ENOX1: variants seen among roughly 807,000 people sequenced by gnomAD.
ENOX1 encodes the protein candidate growth-related and time keeping constitutive hydroquinone (NADH) oxidase.
Under a neutral mutation model 82.5 loss-of-function variants are expected in ENOX1, and 42 were observed. The observed-to-expected ratio is 0.51, with a 90% CI of 0.40 to 0.66. The LOEUF (loss-of-function observed/expected upper bound fraction) is 0.66. Ranked by LOEUF, ENOX1 falls within the 30% of genes least tolerant of loss-of-function variation. The pLI, the probability that ENOX1 is intolerant of heterozygous loss-of-function variation, is 0.00. For synonymous variants in ENOX1, 271 were observed against 282.2 expected (o/e 0.96, Z 0.40); for missense variants, 608 against 811.6 (o/e 0.75, Z 3.05).
chr13:43,547,606 G>A (rs1390202719), intron 2 of ENOX1: 1 of 152,178 alleles, frequency 6.6e-6, no homozygotes. Flanking sequence ...TTTTATTGTT[G>A]TAGGTCTAAA....
chr13:43,609,885 C>A (rs1265934324), intron 2 of ENOX1: 2 of 977,934 alleles, frequency 2.0e-6, no homozygotes, highest in Non-Finnish European at 2.4e-6. Context: ...GGACTTACTT[C>A]ATTCATGTAA....
intron 3 of ENOX1, among the ~76,000 whole-genome samples, chr13:43,454,259 A>ATT (rs575583341): frequency 7.0e-6 from 1 of 142,620 alleles, no homozygotes; most frequent in South Asian, 2.2e-4. Context: ...AGGGGAAACT[A>ATT]TTTTTTTTTT....
chr13:43,726,298 C>T (rs2088952050), intron 1 of ENOX1, among the ~76,000 whole-genome samples: 1 of 150,124 alleles, frequency 6.7e-6, no homozygotes, highest in Non-Finnish European at 1.5e-5. Context: ...CTCACTGCAA[C>T]CTCCGCCTCC....
intron 3 of ENOX1, among the ~76,000 whole-genome samples, chr13:43,480,526 G>A (rs2153655312): frequency 6.6e-6 from 1 of 152,304 alleles, no homozygotes; most frequent in South Asian, 2.1e-4. Context: ...CTGAGACTAG[G>A]ATGATACAGG....
At chr13:43,230,018 A>C (rs1244881771) in intron 15 of ENOX1, among the ~76,000 whole-genome samples, 2 of 152,212 alleles carry the variant, frequency 1.3e-5, no homozygotes, top group Non-Finnish European at 2.9e-5. Flanking sequence ...ATTTGAAGCC[A>C]AAGTATTCAT....
At chr13:43,561,763 G>A (rs1043707430) in intron 2 of ENOX1, among the ~76,000 whole-genome samples, 1 of 152,008 alleles carries the variant, frequency 6.6e-6, no homozygotes, top group Non-Finnish European at 1.5e-5. Context: ...GCTGAGGCGT[G>A]TGAGCCCAGG....
intron 3 of ENOX1, among the ~76,000 whole-genome samples, chr13:43,445,537 C>T (rs1367973940): frequency 6.6e-6 from 1 of 152,074 alleles, no homozygotes; most frequent in Non-Finnish European, 1.5e-5. Flanking sequence ...TGAGGAATGG[C>T]GCTCAGGTCT....
chr13:43,724,295 A>G (rs976980708), intron 1 of ENOX1, among the ~76,000 whole-genome samples: 2 of 152,184 alleles, frequency 1.3e-5, no homozygotes, highest in African/African-American at 4.8e-5. Flanking sequence ...TGGCATATCT[A>G]TCCTCCCTAG....
At chr13:43,654,300 T>C (rs1478930686) in intron 2 of ENOX1, among the ~76,000 whole-genome samples, 1 of 152,188 alleles carries the variant, frequency 6.6e-6, no homozygotes, top group African/African-American at 2.4e-5. Context: ...ACGTATTTCA[T>C]ACTCAAGGCT....
intron 8 of ENOX1, among the ~76,000 whole-genome samples, chr13:43,346,998 G>A (rs2049427825): frequency 6.6e-6 from 1 of 151,852 alleles, no homozygotes; most frequent in African/African-American, 2.4e-5. Context: ...TAACATTTTT[G>A]TTATGAGCTT....
rs112295874 is a variant in ENOX1, at chr13:43,450,520, A to G, written c.-75+33489T>C. ...CACCAGGGTCAGTAGGAGGCAGAGG[A>G]AATACGGGGAAAATGTGGGGAAGGG... On this transcript the variant is annotated intron_variant, in intron 3 of 16. Transcript: ENST00000690772. Among the ~76,000 whole-genome samples the G allele has an allele frequency of 5.5e-3, 838 of 152,240 alleles. 4 individuals carry two copies. The highest frequency in any genetic ancestry group is 0.019 in the African/African-American group (798 of 41,546).
intron 11 of ENOX1, among the ~76,000 whole-genome samples, chr13:43,318,096 T>TCTG (rs937244560): frequency 2.0e-5 from 3 of 152,194 alleles, no homozygotes; most frequent in Non-Finnish European, 4.4e-5. Flanking sequence ...ATTTAGAGTG[T>TCTG]CTGCTCCTAT....
chr13:43,668,703 G>C (rs114627716), intron 1 of ENOX1, among the ~76,000 whole-genome samples: 3,212 of 152,236 alleles, frequency 0.021, 112 homozygotes, highest in African/African-American at 0.071. Flanking sequence ...GATCTAATAG[G>C]GAAAGGTCAG....
Position 43,344,751 on chromosome 13 carries a change from C to G in ENOX1, c.824-1G>C. ...ATAGCCTCTGAAAACTTGCTATCAT[C>G]TGGAAATGGAAAACCACCAAGTACA... On this transcript the variant is annotated splice_acceptor_variant, in intron 8 of 16. Coordinates refer to ENST00000690772, the MANE Select transcript of ENOX1 (RefSeq NM_001347969.2). LOFTEE classifies it high-confidence loss of function. 1 of 1,613,490 alleles carries G rather than the reference C, an allele frequency of 6.2e-7. No individual in the cohort carries two copies. The highest frequency in any genetic ancestry group is 8.5e-7 in the Non-Finnish European group (1 of 1,179,630).
At chr13:43,449,854 C>A (rs180995553) in intron 3 of ENOX1, among the ~76,000 whole-genome samples, 1 of 152,176 alleles carries the variant, frequency 6.6e-6, no homozygotes, top group African/African-American at 2.4e-5. Flanking sequence ...AACACACTAG[C>A]TGCTCCCTGG....
At chr13:43,521,598 C>T (rs115243539) in intron 2 of ENOX1, among the ~76,000 whole-genome samples, 3 of 152,188 alleles carry the variant, frequency 2.0e-5, no homozygotes, top group Non-Finnish European at 4.4e-5. Flanking sequence ...AGACCACTCT[C>T]ATGTCCTTCC....
At chr13:43,232,434 T>C (rs2042330784) in intron 15 of ENOX1, among the ~76,000 whole-genome samples, 1 of 152,218 alleles carries the variant, frequency 6.6e-6, no homozygotes, top group Non-Finnish European at 1.5e-5. Flanking sequence ...ACTCCCAAGA[T>C]TACTTTTCTC....
chr13:43,262,004 G>GTCTT (rs2044097887), intron 14 of ENOX1, among the ~76,000 whole-genome samples: 1 of 151,998 alleles, frequency 6.6e-6, no homozygotes, highest in African/African-American at 2.4e-5. Context: ...AAAAAATCAT[G>GTCTT]TCTTTGAGGA....
At chr13:43,218,666 T>C (rs905242253) in intron 16 of ENOX1, among the ~76,000 whole-genome samples, 4 of 152,142 alleles carry the variant, frequency 2.6e-5, no homozygotes, top group African/African-American at 9.7e-5. Flanking sequence ...AAGAATTCCT[T>C]AAAGTTGTTT....
Sources: allele counts gnomAD v4.1 joint callset (sites outside exome capture counted in the v4.1 genomes callset), GRCh38; gene constraint gnomAD v4.1.1; transcripts MANE v1.5; gene names NCBI Gene and HGNC (gene_info 2026-07-23, HGNC 2026-07-21).